Variants in FAM20B observed in about 807,000 individuals in gnomAD.
FAM20B encodes glycosaminoglycan xylosylkinase.
Under a neutral mutation model 43.8 loss-of-function variants are expected in FAM20B, and 23 were observed. That is an observed-to-expected ratio of 0.53 (90% CI 0.38 to 0.74). The LOEUF (loss-of-function observed/expected upper bound fraction) is 0.74. Ranked by LOEUF, FAM20B falls within the 30% of genes least tolerant of loss-of-function variation. FAM20B has a pLI of 0.00. For synonymous variants in FAM20B, 178 were observed against 192.4 expected (o/e 0.93, Z 0.62); for missense variants, 440 against 510.5 (o/e 0.86, Z 1.33).
chr1:179,066,378 T>A (rs149777494), intron 6 of FAM20B, among the ~76,000 whole-genome samples: 1 of 152,244 alleles, frequency 6.6e-6, no homozygotes, highest in Non-Finnish European at 1.5e-5. Flanking sequence ...GTAGAATAAG[T>A]GTGACTTCTT....
chr1:179,040,249 A>C (rs1372745733), intron 1 of FAM20B, among the ~76,000 whole-genome samples: 1 of 152,042 alleles, frequency 6.6e-6, no homozygotes. Context: ...GCCGTTGGGC[A>C]CACCTCCCAG....
At chr1:179,029,974 T>C (rs903986801) in intron 1 of FAM20B, among the ~76,000 whole-genome samples, 14 of 152,260 alleles carry the variant, frequency 9.2e-5, no homozygotes, top group African/African-American at 3.4e-4. Flanking sequence ...TTTTGAATTA[T>C]TGAATCTACT....
Position 179,050,610 on chromosome 1 carries a change from TATC to T in FAM20B, c.464+250_464+252del, listed in dbSNP as rs1299740928. Among the ~76,000 whole-genome samples the T allele has an allele frequency of 9.2e-5, 14 of 152,376 alleles. No homozygotes were observed. In the East Asian group the frequency reaches 1.2e-3, roughly 13 times the overall value. ...TTTCATTTCTGGCCTGCTCTGTTAT[TATC>T]ATCAGTGAAGATATTCTTGGTAAAT... On this transcript the variant is annotated intron_variant, in intron 3 of 7. Transcript: ENST00000263733.
chr1:179,029,161 A>G (rs1455584204), intron 1 of FAM20B, among the ~76,000 whole-genome samples: 1 of 152,228 alleles, frequency 6.6e-6, no homozygotes, highest in Non-Finnish European at 1.5e-5. Flanking sequence ...TGTCAATAGC[A>G]TTGACCTGAC....
At chr1:179,046,774 G>A (rs964080337) in intron 2 of FAM20B, among the ~76,000 whole-genome samples, 18 of 151,966 alleles carry the variant, frequency 1.2e-4, no homozygotes, top group South Asian at 2.1e-4. Flanking sequence ...AGGCCGAGGC[G>A]GGCGGATCAC....
chr1:179,028,590 AAACAAAC>A (rs984083077), intron 1 of FAM20B, among the ~76,000 whole-genome samples: 2 of 152,054 alleles, frequency 1.3e-5, no homozygotes, highest in African/African-American at 4.8e-5. Context: ...AAAAACAAAC[AAACAAAC>A]AACAACAACA....
upstream of FAM20B, among the ~76,000 whole-genome samples, chr1:179,024,083 AG>A (rs1649657052): frequency 6.6e-6 from 1 of 152,180 alleles, no homozygotes; most frequent in African/African-American, 2.4e-5. Flanking sequence ...GTCGTCTGAA[AG>A]CCTTTCACAG....
At chr1:179,055,144 AACCTAT>A (rs1203179764) in intron 4 of FAM20B, among the ~76,000 whole-genome samples, 4 of 152,186 alleles carry the variant, frequency 2.6e-5, no homozygotes, top group Non-Finnish European at 1.5e-5. Flanking sequence ...TGCAAGGGTT[AACCTAT>A]AACTCATTGT....
intron 1 of FAM20B, among the ~76,000 whole-genome samples, chr1:179,042,762 TGA>T (rs1650598102): frequency 6.6e-6 from 1 of 152,158 alleles, no homozygotes; most frequent in Non-Finnish European, 1.5e-5. Flanking sequence ...GTTGTTCTGA[TGA>T]GAGTCTAGCT....
At chr1:179,031,609 G>A (rs1338409277) in intron 1 of FAM20B, among the ~76,000 whole-genome samples, 3 of 152,152 alleles carry the variant, frequency 2.0e-5, no homozygotes, top group South Asian at 2.1e-4. Flanking sequence ...CCTTCAGAGG[G>A]AACTTGTTAG....
chr1:179,037,358 C>CT (rs11389595), intron 1 of FAM20B, among the ~76,000 whole-genome samples: 106,054 of 150,384 alleles, frequency 0.71, 38,361 homozygotes, highest in African/African-American at 0.87. Flanking sequence ...TGTTTAGTCT[C>CT]TTTTTTTTTA....
At chr1:179,046,373 G>A (rs1467336739) in intron 2 of FAM20B, among the ~76,000 whole-genome samples, 2 of 152,186 alleles carry the variant, frequency 1.3e-5, no homozygotes, top group East Asian at 1.9e-4. Flanking sequence ...AGAGATGGCC[G>A]GGCACGGTGG....
rs369214177 is a variant in FAM20B, at chr1:179,050,835, G to A, written c.464+470G>A. Among the ~76,000 whole-genome samples the A allele has an allele frequency of 8.5e-5, 13 of 152,224 alleles. No individual in the cohort carries two copies. In the East Asian group the frequency reaches 2.5e-3, roughly 29 times the overall value. ...TCAAAAACCAGAATAATTACAAAAG[G>A]AAAGGGCCAGGCGTAGTGGCTCATG... On this transcript the variant is annotated intron_variant, in intron 3 of 7. Coordinates refer to ENST00000263733, the MANE Select transcript of FAM20B (RefSeq NM_014864.4).
upstream of FAM20B, among the ~76,000 whole-genome samples, chr1:179,022,358 G>A (rs930471476): frequency 6.6e-6 from 1 of 152,138 alleles, no homozygotes; most frequent in Non-Finnish European, 1.5e-5. Flanking sequence ...CTTTCCTAGG[G>A]CTCCTCTCGA....
intron 3 of FAM20B, 39 bp downstream of exon 3, chr1:179,050,404 C>T: frequency 6.5e-7 from 1 of 1,533,098 alleles, no homozygotes; most frequent in Non-Finnish European, 9.0e-7. Flanking sequence ...ATTTTGTTTG[C>T]TTTCAAAAAT....
intron 1 of FAM20B, among the ~76,000 whole-genome samples, chr1:179,041,563 C>T (rs1413181340): frequency 7.8e-5 from 11 of 140,994 alleles, no homozygotes; most frequent in African/African-American, 1.1e-4. Flanking sequence ...TGCAGTGAGC[C>T]GAGATGGCAG....
At chr1:179,062,995 G>A (rs1295317518) in intron 4 of FAM20B, among the ~76,000 whole-genome samples, 1 of 152,166 alleles carries the variant, frequency 6.6e-6, no homozygotes, top group Non-Finnish European at 1.5e-5. Context: ...AGTGAGTTCA[G>A]GCCGGGCGCG....
chr1:179,033,677 ATTTC>A (rs1021009528), intron 1 of FAM20B, among the ~76,000 whole-genome samples: 3 of 151,944 alleles, frequency 2.0e-5, no homozygotes, highest in Non-Finnish European at 2.9e-5. Context: ...ATGATTTGTT[ATTTC>A]TTTCTTTCTT....
At chr1:179,035,329 C>T (rs1162511442) in intron 1 of FAM20B, 2 of 675,008 alleles carry the variant, frequency 3.0e-6, no homozygotes, top group Non-Finnish European at 5.5e-6. Context: ...TGGTGGGGGT[C>T]GTGGGGCAGC....
Sources: allele counts gnomAD v4.1 joint callset (sites outside exome capture counted in the v4.1 genomes callset), GRCh38; gene constraint gnomAD v4.1.1; transcripts MANE v1.5; gene names NCBI Gene and HGNC (gene_info 2026-07-23, HGNC 2026-07-21).